The following FRK variants were observed in gnomAD, a reference collection of about 807,000 sequenced individuals.
The protein encoded by FRK is fyn related Src family tyrosine kinase.
A neutral mutation model predicts 56.4 loss-of-function variants in FRK; 51 were observed. The observed-to-expected ratio is 0.90, with a 90% CI of 0.72 to 1.14. FRK has a LOEUF of 1.14. Ranked by LOEUF, FRK falls within the 50% of genes most tolerant of loss-of-function variation. FRK has a pLI of 0.00. For missense variants in FRK, 570 were observed against 601.4 expected, an observed-to-expected ratio of 0.95 and a Z score of 0.55; for synonymous variants, 245 against 217.9, an observed-to-expected ratio of 1.12 and a Z score of -1.10.
At chr6:116,000,223 C>CTTTCTTTTTTT (rs1775002178) in intron 2 of FRK, among the ~76,000 whole-genome samples, 2 of 53,112 alleles carry the variant, frequency 3.8e-5, no homozygotes, top group Non-Finnish European at 3.5e-5. Flanking sequence ...ATCATTCTTT[C>CTTTCTTTTTTT]TTTTTTTTTT....
chr6:116,099,133 CT>C, the FRK span, among the ~76,000 whole-genome samples: 1 of 152,198 alleles, frequency 6.6e-6, no homozygotes, highest in Non-Finnish European at 1.5e-5. Context: ...GTCTTTTTCT[CT>C]TTAAGAGTGC....
At chr6:116,035,918 C>T (rs913610890) in intron 1 of FRK, among the ~76,000 whole-genome samples, 1 of 152,118 alleles carries the variant, frequency 6.6e-6, no homozygotes, top group African/African-American at 2.4e-5. Flanking sequence ...TAAGTATTAC[C>T]TTCTCCCTAT....
intron 1 of FRK, among the ~76,000 whole-genome samples, chr6:116,023,094 A>G (rs910383684): frequency 2.6e-5 from 4 of 152,220 alleles, no homozygotes; most frequent in Non-Finnish European, 5.9e-5. Flanking sequence ...GCAAATTAAA[A>G]CCAACGTGAG....
At chr6:116,093,586 T>C in the FRK span, among the ~76,000 whole-genome samples, 1 of 152,166 alleles carries the variant, frequency 6.6e-6, no homozygotes, top group African/African-American at 2.4e-5. Context: ...AGGGACAAAT[T>C]CCCTACTGGT....
rs1409905944 is a variant in FRK at position 115,933,812 on chromosome 6, T to C, written c.*8602A>G. On this transcript the variant is annotated 3_prime_UTR_variant, in exon 8 of 8. Transcript: ENST00000606080. ...AATTTACTCCTTGATTGCATTAGAC[T>C]AGATGACTTTAAATAAACAAGTTGT... 3.9e-5 allele frequency: 6 copies of C among 152,348 alleles called. No homozygotes were observed. The East Asian group carries it at 1.2e-3, about 29-fold the overall frequency. The allele number at this position is 152,348 out of a possible 1,614,324, so 9.4% of individuals were successfully genotyped here.
chr6:115,969,971 T>G (rs1272387957), intron 2 of FRK, among the ~76,000 whole-genome samples: 1 of 152,216 alleles, frequency 6.6e-6, no homozygotes, highest in South Asian at 2.1e-4. Context: ...TGATAAGTAT[T>G]GGGCAGCATT....
rs755191905 is a variant in FRK at position 116,060,045 on chromosome 6, T to C, written c.267A>G (p.Arg89=). The C allele has an allele frequency of 5.6e-6, 9 of 1,614,202 alleles. No individual in the cohort carries two copies. Among genetic ancestry groups the C allele is most frequent in the South Asian group, 4.4e-5 (4 of 91,084 alleles). ...WWFARHLEKR[R]DGSSQQLQGY... ...CTTGTAGTTGCTGACTGGAGCCATC[T>C]CGTCTTTTCTCCAAGTGTCTGGCAA... is the stretch of plus-strand genomic sequence containing the variant. The change falls in exon 1 of 8, where the codon CGA becomes CGG. Residue 89 remains arginine, a synonymous_variant. Coordinates refer to ENST00000606080, the MANE Select transcript of FRK (RefSeq NM_002031.3).
intron 1 of FRK, among the ~76,000 whole-genome samples, chr6:116,055,922 A>C (rs1474439899): frequency 6.6e-6 from 1 of 152,208 alleles, no homozygotes; most frequent in Admixed American, 6.5e-5. Flanking sequence ...GTTCAGCAGC[A>C]CATTTCATTG....
At chr6:116,000,851 A>T (rs1045202503) in intron 2 of FRK, among the ~76,000 whole-genome samples, 5 of 152,262 alleles carry the variant, frequency 3.3e-5, no homozygotes, top group Non-Finnish European at 7.3e-5. Context: ...AAGTCAAATA[A>T]ATGATGATAT....
the FRK span, among the ~76,000 whole-genome samples, chr6:116,097,966 T>C: frequency 6.7e-6 from 1 of 150,146 alleles, no homozygotes; most frequent in Non-Finnish European, 1.5e-5. Context: ...TCAGCGTGCC[T>C]TAACAGAATA....
intron 1 of FRK, among the ~76,000 whole-genome samples, chr6:116,058,793 C>T (rs919478220): frequency 6.6e-6 from 1 of 151,922 alleles, no homozygotes; most frequent in Admixed American, 6.6e-5. Context: ...CGCCTGTAGT[C>T]CCAGCTACTT....
intron 1 of FRK, among the ~76,000 whole-genome samples, chr6:116,033,599 G>A (rs751417315): frequency 6.6e-6 from 1 of 152,124 alleles, no homozygotes. Context: ...TCCTGTGGCA[G>A]AAGTGGAAGA....
At chr6:115,979,188 A>T (rs897366740) in intron 2 of FRK, among the ~76,000 whole-genome samples, 5 of 152,122 alleles carry the variant, frequency 3.3e-5, no homozygotes, top group Non-Finnish European at 7.4e-5. Flanking sequence ...ATCATAGGAG[A>T]GGACAGCTCC....
At chr6:116,036,159 C>T (rs1220337383) in intron 1 of FRK, among the ~76,000 whole-genome samples, 1 of 152,088 alleles carries the variant, frequency 6.6e-6, no homozygotes, top group African/African-American at 2.4e-5. Context: ...ACTAGATCAG[C>T]AACTTAAGAA....
intron 1 of FRK, among the ~76,000 whole-genome samples, chr6:116,017,145 G>A (rs1341527032): frequency 6.6e-6 from 1 of 151,924 alleles, no homozygotes; most frequent in Admixed American, 6.6e-5. Flanking sequence ...AAGGCAGACT[G>A]AGAGAAGAAA....
chr6:116,003,697 T>C (rs1562280758), intron 2 of FRK, among the ~76,000 whole-genome samples, 180 bp downstream of exon 2: 2 of 152,216 alleles, frequency 1.3e-5, no homozygotes. Flanking sequence ...CTTCTAGCCA[T>C]AGACAGTATC....
In FRK at chr6:115,944,437, G is replaced by A; in HGVS notation, c.959-12C>T. 2.5e-6 allele frequency: 4 copies of A among 1,581,032 alleles called. No individual in the cohort carries two copies. The highest frequency in any genetic ancestry group is 3.4e-6 in the Non-Finnish European group (4 of 1,168,428). On this transcript the variant is annotated splice_polypyrimidine_tract_variant and intron_variant, in intron 5 of 7. Transcript: ENST00000606080. ...TGATCCAGTGTCATCTAAGTAATAAGAGAAAAGTAAGAAAGTTACCTTAGA... is the reference window on the plus strand; with the variant it reads ...TGATCCAGTGTCATCTAAGTAATAAAAGAAAAGTAAGAAAGTTACCTTAGA...
the FRK span, among the ~76,000 whole-genome samples, chr6:116,072,761 G>C: frequency 9.1e-4 from 138 of 152,128 alleles, no homozygotes; most frequent in African/African-American, 2.9e-3. Flanking sequence ...GAGAATTAAG[G>C]GTTGTTATCC....
chr6:116,014,453 G>A (rs1775576012), intron 1 of FRK, among the ~76,000 whole-genome samples: 1 of 151,600 alleles, frequency 6.6e-6, no homozygotes, highest in South Asian at 2.1e-4. Context: ...GGATTTGAAA[G>A]AGATACAGAA....
Sources: allele counts gnomAD v4.1 joint callset (sites outside exome capture counted in the v4.1 genomes callset), GRCh38; gene constraint gnomAD v4.1.1; transcripts MANE v1.5; gene names NCBI Gene and HGNC (gene_info 2026-07-23, HGNC 2026-07-21).